Variants in PLG observed in about 807,000 individuals in gnomAD.
The protein encoded by PLG is plasminogen, also known as plasmin.
A neutral mutation model predicts 104.4 loss-of-function variants in PLG; 41 were observed. That is an observed-to-expected ratio of 0.39 (90% CI 0.31 to 0.51). The LOEUF is 0.51. Among genes scored for constraint, PLG ranks in the 20% least tolerant of loss-of-function variants. The pLI, the probability that PLG is intolerant of heterozygous loss-of-function variation, is 0.76. For missense variants in PLG, 891 were observed against 1,003.6 expected, an observed-to-expected ratio of 0.89 and a Z score of 1.52; for synonymous variants, 337 against 357.1, an observed-to-expected ratio of 0.94 and a Z score of 0.63.
rs1778082898 is a variant in PLG, at chr6:160,736,361, G to C, written c.1682-526G>C. On this transcript the variant is annotated intron_variant, in intron 13 of 18. Transcript: ENST00000308192. The surrounding 1 kb of genome is among the most constrained non-coding windows in gnomAD (Gnocchi z 5.2). ...GAAGGCAACATTTCAACTTAGGACA[G>C]TAATCCTTGCTACATACAATCACAT... is the stretch of plus-strand genomic sequence containing the variant. Among the ~76,000 whole-genome samples the C allele has an allele frequency of 6.6e-6, 1 of 152,198 alleles. No homozygotes were observed. The highest frequency in any genetic ancestry group is 6.5e-5 in the Admixed American group (1 of 15,286).
At chr6:160,706,765 A>G (rs1021391541) in intron 2 of PLG, among the ~76,000 whole-genome samples, 1 of 152,168 alleles carries the variant, frequency 6.6e-6, no homozygotes, top group Admixed American at 6.5e-5. Flanking sequence ...TTGTTTTTAC[A>G]CCGGACACAA....
intron 9 of PLG, among the ~76,000 whole-genome samples, 175 bp from the exon 10 acceptor site, chr6:160,722,233 A>G (rs1211765132): frequency 2.0e-5 from 3 of 152,192 alleles, no homozygotes; most frequent in African/African-American, 7.2e-5. Context: ...ATTACTAGGA[A>G]CTTATTAATG....
intron 9 of PLG, 58 bp downstream of exon 9, chr6:160,718,896 C>G: frequency 7.1e-7 from 1 of 1,418,384 alleles, no homozygotes; most frequent in Non-Finnish European, 1.0e-6. Context: ...TTTTTGTATA[C>G]CAGTGGCATC....
At chr6:160,713,222 G>C in intron 5 of PLG, 97 bp downstream of exon 5, 1 of 979,830 alleles carries the variant, frequency 1.0e-6, no homozygotes, top group Non-Finnish European at 1.6e-6. Flanking sequence ...ATTAATAATT[G>C]AGTAACGTAT....
At chr6:160,721,735 G>A (rs1022570762) in intron 9 of PLG, among the ~76,000 whole-genome samples, 13 of 152,150 alleles carry the variant, frequency 8.5e-5, no homozygotes, top group African/African-American at 1.4e-4. Flanking sequence ...AGCACAGCTC[G>A]GCTTTGAAAG....
rs370895313 is a variant in PLG, at chr6:160,712,960, A to G, written c.408-26A>G. The G allele has an allele frequency of 3.3e-4, 522 of 1,593,886 alleles. 1 individual carries two copies. The highest frequency in any genetic ancestry group is 3.9e-4 in the Non-Finnish European group (459 of 1,163,714). ...CAAGCTGATTTTTAGAATATAGTCT[A>G]AGTGCTTCTTTTCCATCCTCCCCAG... is the stretch of plus-strand genomic sequence containing the variant. On this transcript the variant is annotated intron_variant, in intron 4 of 18. Coordinates refer to ENST00000308192, the MANE Select transcript of PLG (RefSeq NM_000301.5).
chr6:160,720,559 A>G (rs1777813914), intron 9 of PLG, among the ~76,000 whole-genome samples: 1 of 151,470 alleles, frequency 6.6e-6, no homozygotes, highest in African/African-American at 2.4e-5. Context: ...AGCTGGGACT[A>G]CAAGCATGTG....
At chr6:160,742,887 C>T (rs1020270055) in intron 17 of PLG, among the ~76,000 whole-genome samples, 2 of 152,114 alleles carry the variant, frequency 1.3e-5, no homozygotes, top group Non-Finnish European at 2.9e-5. Context: ...TACCCCAGCA[C>T]CATTTATTGA....
chr6:160,733,543 TAGAA>T (rs3057040), intron 12 of PLG, among the ~76,000 whole-genome samples: 2 of 151,062 alleles, frequency 1.3e-5, no homozygotes, highest in Non-Finnish European at 3.0e-5. Context: ...ATAATAATAA[TAGAA>T]AGGAAGAAGA....
intron 8 of PLG, 72 bp downstream of exon 8, chr6:160,718,528 A>G: frequency 1.4e-6 from 2 of 1,401,728 alleles, no homozygotes; most frequent in South Asian, 2.3e-5. Flanking sequence ...AGTTTTAGTT[A>G]CTGTAGGAAC....
At position 160,718,427 on chromosome 6, in the gene PLG, T is replaced by G. The variant is rs1322872399; in HGVS notation, c.921T>G (p.His307Gln). The part of the protein sequence containing the change: ...QHWSAQTPHT[H>Q]NRTPENFPCK... ...GGAGTGCACAGACCCCTCACACACA[T>G]AACAGGACACCAGAAAACTTCCCCT... Residue 307 changes from histidine (H) to glutamine (Q), a missense_variant, in exon 8 of 19, where the codon CAT (histidine) becomes CAG (glutamine). Around this residue, in one of 2 missense-constraint regions of PLG, gnomAD observed 854 missense variants for 932.1 expected, o/e 0.92. Coordinates refer to ENST00000308192, the MANE Select transcript of PLG (RefSeq NM_000301.5). The G allele has an allele frequency of 2.5e-6, 4 of 1,613,604 alleles. No individual in the cohort carries two copies. Among genetic ancestry groups the G allele is most frequent in the Non-Finnish European group, 2.5e-6 (3 of 1,179,660 alleles).
At chr6:160,749,701 T>C (rs538446010) in intron 17 of PLG, among the ~76,000 whole-genome samples, 1 of 150,732 alleles carries the variant, frequency 6.6e-6, no homozygotes, top group African/African-American at 2.4e-5. Flanking sequence ...ATCAACATGA[T>C]AGTAATTATG....
intron 1 of PLG, among the ~76,000 whole-genome samples, chr6:160,703,343 T>G (rs1440718659): frequency 6.6e-6 from 1 of 152,128 alleles, no homozygotes; most frequent in Non-Finnish European, 1.5e-5. Flanking sequence ...CCAATGGATT[T>G]CAAGATATTG....
At chr6:160,720,410 CTTTTTTTTTTTTTTTTT>C (rs3057066) in intron 9 of PLG, among the ~76,000 whole-genome samples, 4 of 58,520 alleles carry the variant, frequency 6.8e-5, no homozygotes, top group African/African-American at 3.1e-4. Flanking sequence ...CTTTTCTTTT[CTTTTTTTTTTTTTTTTT>C]TTTTTTTTTT....
rs1582945876 is a variant in PLG at position 160,734,172 on chromosome 6, G to C, written c.1681+84G>C. On this transcript the variant is annotated intron_variant, in intron 13 of 18. Coordinates refer to ENST00000308192, the MANE Select transcript of PLG (RefSeq NM_000301.5). The surrounding 1 kb of genome is among the most constrained non-coding windows in gnomAD (Gnocchi z 4.4). ...AAGGAAAAGGGCTTCTGAGCAGACT[G>C]CTTCTGGGGAGGAGATAGCTGCCCT... 8 of 768,372 alleles carry C rather than the reference G, an allele frequency of 1.0e-5. No homozygotes were observed. In the East Asian group the frequency reaches 2.2e-4, roughly 21 times the overall value. 47.6% of individuals were successfully genotyped at this position (768,372 alleles called of 1,614,324 possible).
intron 1 of PLG, among the ~76,000 whole-genome samples, chr6:160,702,631 G>A (rs1301810331): frequency 6.6e-6 from 1 of 152,188 alleles, no homozygotes; most frequent in African/African-American, 2.4e-5. Context: ...TTGAAAAAGA[G>A]CCAATGTAGC....
At position 160,732,232 on chromosome 6, in the gene PLG, TG is replaced by T. The variant is rs1380345732; in HGVS notation, c.1587+340del. 6.6e-6 allele frequency among the ~76,000 whole-genome samples: 1 copy of T among 152,024 alleles called. No individual in the cohort carries two copies. The highest frequency in any genetic ancestry group is 1.5e-5 in the Non-Finnish European group (1 of 68,030). On this transcript the variant is annotated intron_variant, in intron 12 of 18. Coordinates refer to ENST00000308192, the MANE Select transcript of PLG (RefSeq NM_000301.5). The surrounding 1 kb of genome is among the most constrained non-coding windows in gnomAD (Gnocchi z 4.5). ...TTCCAGTAATCAAAGATGCCCTTTA[TG>T]AAATTTAAGTCAGATTTTTCGAGAA...
At position 160,736,852 on chromosome 6, in the gene PLG, C is replaced by T. The variant is rs780680581; in HGVS notation, c.1682-35C>T. 6.8e-6 allele frequency: 11 copies of T among 1,612,522 alleles called. No homozygotes were observed. The African/African-American group carries it at 1.3e-4, about 20-fold the overall frequency. ...TTACACCACAAAATTGCTACCTTGT[C>T]TCAAATGGGATTTCTTTCCCACCTT... On this transcript the variant is annotated intron_variant, in intron 13 of 18. Coordinates refer to ENST00000308192, the MANE Select transcript of PLG (RefSeq NM_000301.5). This position sits in a 1 kb window ranked among gnomAD's most constrained non-coding sequence, Gnocchi z 5.2.
Position 160,713,027 on chromosome 6 carries a change from A to T in PLG, c.449A>T (p.Asn150Ile), listed in dbSNP as rs1777671666. Reference protein sequence around the residue: ...ATHPSEGLEENYCRNPDNDPQ... With the variant: ...ATHPSEGLEEIYCRNPDNDPQ... The stretch of plus-strand genomic sequence containing the variant: ...CACCCCTCAGAGGGACTGGAGGAGA[A>T]CTACTGCAGGAATCCAGACAACGAT... The change falls in exon 5 of 19, where the codon AAC becomes ATC. Residue 150 changes from asparagine to isoleucine, a missense_variant. Physicochemically the swap from Asn to Ile is moderately radical, Grantham distance 149. Coordinates refer to ENST00000308192, the MANE Select transcript of PLG (RefSeq NM_000301.5). 6.2e-7 allele frequency: 1 copy of T among 1,609,298 alleles called. No individual in the cohort carries two copies.
Sources: gnomAD v4.1 joint callset for allele counts (sites outside exome capture counted in the v4.1 genomes callset) on GRCh38, gnomAD v4.1.1 for gene constraint, gnomAD v4.1.1 regional missense constraint, Gnocchi (gnomAD v3.1) non-coding constraint, MANE v1.5 for transcripts, NCBI Gene and HGNC (gene_info 2026-07-23, HGNC 2026-07-21) for gene names.